The following TRIM33 variants were observed in gnomAD, a reference collection of about 807,000 sequenced individuals.
TRIM33 encodes tripartite motif containing 33, also known as E3 ubiquitin-protein ligase TRIM33.
Under a neutral mutation model 125.4 loss-of-function variants are expected in TRIM33, and 20 were observed. The observed-to-expected ratio is 0.16, with a 90% confidence interval of 0.11 to 0.23. The LOEUF (loss-of-function observed/expected upper bound fraction) is 0.23. Among genes scored for constraint, TRIM33 ranks in the 10% least tolerant of loss-of-function variants. The probability of loss-of-function intolerance (pLI) is 1.00; values close to 1 mark genes in which losing one functional copy is unlikely to be tolerated. For missense variants in TRIM33, 920 were observed against 1,411.4 expected, an observed-to-expected ratio of 0.65 and a Z score of 5.58; for synonymous variants, 564 against 513.9, an observed-to-expected ratio of 1.10 and a Z score of -1.32.
intron 1 of TRIM33, among the ~76,000 whole-genome samples, chr1:114,475,929 G>A (rs1650950531): frequency 1.3e-5 from 2 of 152,112 alleles, no homozygotes; most frequent in Admixed American, 6.5e-5. Flanking sequence ...GAGCCCGGGA[G>A]GTGGAGGCTG....
At chr1:114,447,469 AGTT>A (rs752018673) in intron 4 of TRIM33, among the ~76,000 whole-genome samples, 5 of 152,210 alleles carry the variant, frequency 3.3e-5, no homozygotes, top group Admixed American at 1.3e-4. Flanking sequence ...AGTGATCAGT[AGTT>A]GAGTTTTGGA....
chr1:114,498,985 T>TA (rs1652551552), intron 1 of TRIM33, among the ~76,000 whole-genome samples: 2 of 151,706 alleles, frequency 1.3e-5, no homozygotes, highest in Non-Finnish European at 2.9e-5. Flanking sequence ...ATCCAAGACA[T>TA]AAAAAGATAA....
chr1:114,432,965 C>T (rs1363730184), intron 5 of TRIM33, among the ~76,000 whole-genome samples: 2 of 152,022 alleles, frequency 1.3e-5, no homozygotes, highest in African/African-American at 2.4e-5. Flanking sequence ...ATTCATACCC[C>T]GAAGAATTTT....
rs1647436735 is a variant in TRIM33 at position 114,424,643 on chromosome 1, G to A, written c.1808C>T (p.Pro603Leu). 6.2e-7 allele frequency: 1 copy of A among 1,610,886 alleles called. No individual in the cohort carries two copies. Among genetic ancestry groups the A allele is most frequent in the Non-Finnish European group, 8.5e-7 (1 of 1,178,450 alleles). Reference protein sequence around the residue: ...AQNAARIPGIPRHSGPQYSMM... With the variant: ...AQNAARIPGILRHSGPQYSMM... ...GGAATATTGAGGGCCGCTGTGCCTGGGTATCCCTGGTATTCTGGCAGCATT... is the reference window on the plus strand; with the variant it reads ...GGAATATTGAGGGCCGCTGTGCCTGAGTATCCCTGGTATTCTGGCAGCATT... Residue 603 changes from proline (P) to leucine (L), a missense_variant, in exon 10 of 20, where the codon CCC becomes CTC. Physicochemically the swap from Pro to Leu is moderately conservative, Grantham distance 98. Around this residue, in one of 8 missense-constraint regions of TRIM33, gnomAD observed 407 missense variants for 589.7 expected, o/e 0.69. Transcript: ENST00000358465.
intron 1 of TRIM33, among the ~76,000 whole-genome samples, chr1:114,472,462 GT>G: frequency 6.6e-6 from 1 of 152,242 alleles, no homozygotes; most frequent in Non-Finnish European, 1.5e-5. Context: ...GCCAGATGCT[GT>G]GGCTCACGCC....
chr1:114,422,848 T>C (rs1647295124), intron 10 of TRIM33, among the ~76,000 whole-genome samples: 1 of 152,148 alleles, frequency 6.6e-6, no homozygotes, highest in Admixed American at 6.5e-5. Context: ...TAGAAAAAAT[T>C]CAAAGAATTG....
chr1:114,479,592 C>T (rs1651176815), intron 1 of TRIM33, among the ~76,000 whole-genome samples: 1 of 152,132 alleles, frequency 6.6e-6, no homozygotes, highest in African/African-American at 2.4e-5. Flanking sequence ...TCACACTTAG[C>T]ATATTTGTAC....
chr1:114,421,716 T>C (rs1239909483), intron 10 of TRIM33, 80 bp from the exon 11 acceptor site: 2 of 1,420,346 alleles, frequency 1.4e-6, no homozygotes, highest in African/African-American at 2.8e-5. Context: ...ATTTTTAGTT[T>C]AGGAAGGAAA....
chr1:114,417,819 C>G (rs193215565), intron 11 of TRIM33, among the ~76,000 whole-genome samples: 1,620 of 152,184 alleles, frequency 0.011, 55 homozygotes, highest in Admixed American at 0.075. Flanking sequence ...CCACCATGCC[C>G]GGCTAATTTT....
chr1:114,406,944 G>C lies in TRIM33; in HGVS notation c.2415C>G (p.Cys805Trp), dbSNP rs370369482. Residue 805 changes from cysteine to tryptophan, a missense_variant, in exon 14 of 20, where the codon TGC becomes TGG. By Grantham distance (215) the Cys-to-Trp change is radical (BLOSUM62 -2). Transcript: ENST00000358465. ...TCAGACTCCAGTGGGAGCTTACCATGCAAGCACTCCTCCTGCCATCCTCTG... is the reference window on the plus strand; with the variant it reads ...TCAGACTCCAGTGGGAGCTTACCATCCAAGCACTCCTCCTGCCATCCTCTG... ...EKTEDGRRSA[C>W]MLSSPESSLT... is the part of the protein sequence containing the mutation. 1.1e-5 allele frequency: 18 copies of C among 1,613,072 alleles called. No homozygotes were observed. Among genetic ancestry groups the C allele is most frequent in the Non-Finnish European group, 1.4e-5 (17 of 1,179,464 alleles).
intron 11 of TRIM33, among the ~76,000 whole-genome samples, chr1:114,413,572 A>AG (rs1187655265): frequency 2.8e-4 from 34 of 120,506 alleles, no homozygotes; most frequent in African/African-American, 1.2e-3. Context: ...AAAAAAAAAA[A>AG]AGAAAAGAAA....
At chr1:114,411,538 G>A (rs1224366582) in intron 11 of TRIM33, among the ~76,000 whole-genome samples, 1 of 152,102 alleles carries the variant, frequency 6.6e-6, no homozygotes, top group Admixed American at 6.6e-5. Context: ...TACCTAATAT[G>A]GGCCAGAGAT....
chr1:114,399,348 C>T (rs1334695941), intron 18 of TRIM33, 109 bp downstream of exon 18: 3 of 1,063,992 alleles, frequency 2.8e-6, no homozygotes, highest in South Asian at 1.7e-5. Context: ...TTTGACAGGA[C>T]TTTAGCAGAA....
chr1:114,417,635 T>C lies in TRIM33; in HGVS notation c.2061+3801A>G, dbSNP rs7552750. Among the ~76,000 whole-genome samples the C allele has an allele frequency of 5.6e-3, 852 of 152,208 alleles. 7 individuals carry two copies. The highest frequency in any genetic ancestry group is 0.019 in the African/African-American group (794 of 41,532). On this transcript the variant is annotated intron_variant, in intron 11 of 19. Transcript: ENST00000358465. The stretch of plus-strand genomic sequence containing the variant: ...ATAATTAGTAGTCTGGACTTAAAAC[T>C]CCAACTTTTCTTATTATTTATTTAT...
chr1:114,442,694 AAAAAAAAAAAGAAAAAAAAAG>A (rs1397658558), intron 4 of TRIM33, among the ~76,000 whole-genome samples: 2 of 150,302 alleles, frequency 1.3e-5, no homozygotes, highest in African/African-American at 4.9e-5. Context: ...TCTCAAAAAA[AAAAAAAAAAAGAAAAAAAAAG>A]AAAAAAAAAA....
chr1:114,444,025 C>G (rs1249140561), intron 4 of TRIM33, among the ~76,000 whole-genome samples: 1 of 152,170 alleles, frequency 6.6e-6, no homozygotes, highest in Non-Finnish European at 1.5e-5. Flanking sequence ...GAACCACATG[C>G]AGACAAAAAT....
intron 10 of TRIM33, 116 bp downstream of exon 10, chr1:114,424,475 C>G: frequency 1.2e-6 from 1 of 806,742 alleles, no homozygotes; most frequent in Non-Finnish European, 1.9e-6. Flanking sequence ...AGAGGATATA[C>G]AGCATTAATC....
intron 1 of TRIM33, among the ~76,000 whole-genome samples, chr1:114,505,156 C>T (rs1198914016): frequency 6.6e-6 from 1 of 152,116 alleles, no homozygotes; most frequent in Non-Finnish European, 1.5e-5. Context: ...AATGGTAGAG[C>T]TCAAAAATGA....
chr1:114,441,830 C>T (rs1253294683), intron 4 of TRIM33, among the ~76,000 whole-genome samples: 1 of 152,178 alleles, frequency 6.6e-6, no homozygotes. Flanking sequence ...TAACTCTTAG[C>T]CATATGGAAT....
Sources: gnomAD v4.1 joint callset for allele counts (sites outside exome capture counted in the v4.1 genomes callset) on GRCh38, gnomAD v4.1.1 for gene constraint, gnomAD v4.1.1 regional missense constraint, MANE v1.5 for transcripts, NCBI Gene and HGNC (gene_info 2026-07-23, HGNC 2026-07-21) for gene names.